The following TRPM2 variants were observed in gnomAD, a reference collection of about 807,000 sequenced individuals.
TRPM2 encodes the protein estrogen-responsive element-associated gene 1 protein.
A neutral mutation model predicts 174.0 loss-of-function variants in TRPM2; 161 were observed. That is an observed-to-expected ratio of 0.93 (90% CI 0.81 to 1.05). TRPM2 has a LOEUF of 1.05. Among genes scored for constraint, TRPM2 ranks in the 50% least tolerant of loss-of-function variants. TRPM2 has a pLI of 0.00. For synonymous variants in TRPM2, 954 were observed against 861.3 expected (o/e 1.11, Z -1.88); for missense variants, 2,057 against 2,038.0 (o/e 1.01, Z -0.18).
rs748751851 is a variant in TRPM2, at chr21:44,391,255, A to G, written c.1441-17A>G. On this transcript the variant is annotated splice_polypyrimidine_tract_variant and intron_variant, in intron 10 of 31. Coordinates refer to ENST00000397928, the MANE Select transcript of TRPM2 (RefSeq NM_003307.4). This position sits in a 1 kb window ranked among gnomAD's most constrained non-coding sequence, Gnocchi z 5.0. ...GATGACCAAATGCAACCGTCACTGCACAATGCTTGCTCTCAGCCTTCAGAT... is the reference window on the plus strand; with the variant it reads ...GATGACCAAATGCAACCGTCACTGCGCAATGCTTGCTCTCAGCCTTCAGAT... The G allele has an allele frequency of 1.9e-6, 3 of 1,605,830 alleles. No homozygotes were observed. Among genetic ancestry groups the G allele is most frequent in the Admixed American group, 1.7e-5 (1 of 59,742 alleles).
At chr21:44,358,708 G>A (rs2048125041) in intron 2 of TRPM2, among the ~76,000 whole-genome samples, 1 of 152,160 alleles carries the variant, frequency 6.6e-6, no homozygotes, top group South Asian at 2.1e-4. Flanking sequence ...GGAGAGCTCA[G>A]GTCCTTGTCT....
intron 13 of TRPM2, 32 bp downstream of exon 13, chr21:44,397,908 T>C (rs1214227768): frequency 1.3e-6 from 2 of 1,561,478 alleles, no homozygotes; most frequent in Admixed American, 1.8e-5. Flanking sequence ...CTGCAGGCCA[T>C]GGCTCAGCCG....
At position 44,441,573 on chromosome 21, in the gene TRPM2, C is replaced by T. The variant is rs930372737; in HGVS notation, c.4387-119C>T. On this transcript the variant is annotated intron_variant, in intron 31 of 31. Transcript: ENST00000397928. The stretch of plus-strand genomic sequence containing the variant: ...GACGCAGGGGTCCTGCCTCCCATTT[C>T]ACAGAGGAGTAAAGGGAGGGTGTGC... 8 of 1,319,760 alleles carry T rather than the reference C, an allele frequency of 6.1e-6. No homozygotes were observed. In the East Asian group the frequency reaches 8.3e-5, roughly 14 times the overall value. 81.8% of individuals were successfully genotyped at this position (1,319,760 alleles called of 1,614,324 possible). A position where few individuals can be genotyped will look rare whatever the true frequency, so the allele number is the denominator to read the frequency against.
chr21:44,421,677 ACAG>A (rs539317091), intron 22 of TRPM2, among the ~76,000 whole-genome samples: 1 of 152,120 alleles, frequency 6.6e-6, no homozygotes, highest in South Asian at 2.1e-4. Context: ...TAAGGAGGCC[ACAG>A]CAGGAGGATT....
intron 5 of TRPM2, among the ~76,000 whole-genome samples, chr21:44,371,079 C>T (rs117171580): frequency 3.2e-4 from 49 of 152,348 alleles, no homozygotes; most frequent in East Asian, 1.4e-3. Context: ...GAATCCGCGT[C>T]GATTGGCCAT....
At position 44,367,232 on chromosome 21, in the gene TRPM2, T is replaced by C. The variant is rs902916632; in HGVS notation, c.604+298T>C. On this transcript the variant is annotated intron_variant, in intron 4 of 31. Coordinates refer to ENST00000397928, the MANE Select transcript of TRPM2 (RefSeq NM_003307.4). The surrounding 1 kb of genome is among the most constrained non-coding windows in gnomAD (Gnocchi z 4.6). ...GGGAACCTTGGTGGCCTGAGAACCT[T>C]GGTGGCCTGGGAACCTCGGTGGCCT... Among the ~76,000 whole-genome samples, 1 of 150,032 alleles carries C rather than the reference T, an allele frequency of 6.7e-6. No individual in the cohort carries two copies. The highest frequency in any genetic ancestry group is 6.6e-5 in the Admixed American group (1 of 15,148).
intron 30 of TRPM2, among the ~76,000 whole-genome samples, chr21:44,440,033 C>G (rs1047107719): frequency 6.0e-5 from 9 of 149,888 alleles, no homozygotes; most frequent in Non-Finnish European, 7.4e-5. Flanking sequence ...TATGGACGCT[C>G]TTTATAAAAG....
chr21:44,381,379 T>TGATGGATG (rs941643059), intron 8 of TRPM2, among the ~76,000 whole-genome samples: 1 of 151,488 alleles, frequency 6.6e-6, no homozygotes, highest in South Asian at 2.1e-4. Flanking sequence ...AGGGATGCCA[T>TGATGGATG]GATGGATGGA....
chr21:44,373,568 C>A (rs1446527216), intron 5 of TRPM2, among the ~76,000 whole-genome samples: 1 of 103,260 alleles, frequency 9.7e-6, no homozygotes, highest in African/African-American at 3.2e-5. Flanking sequence ...GCATTATATG[C>A]GACCTGCATT....
chr21:44,366,860 C>T lies in TRPM2; in HGVS notation c.530C>T (p.Ala177Val). ...PNLLISVTGG[A>V]KNFNMKPRLK... ...CTCTTGATCTCGGTGACCGGGGGGG[C>T]CAAGAACTTCAACATGAAGCCGCGG... The change falls in exon 4 of 32, where the codon GCC becomes GTC. Residue 177 changes from alanine (A) to valine (V), a missense_variant. Transcript: ENST00000397928. The surrounding 1 kb of genome is among the most constrained non-coding windows in gnomAD (Gnocchi z 6.0). The T allele has an allele frequency of 6.2e-7, 1 of 1,613,556 alleles. No individual in the cohort carries two copies. Among genetic ancestry groups the T allele is most frequent in the Middle Eastern group, 1.7e-4 (1 of 6,054 alleles).
chr21:44,397,850 C>T lies in TRPM2; in HGVS notation c.2036C>T (p.Ala679Val), dbSNP rs749957248. 74 of 1,606,594 alleles carry T rather than the reference C, an allele frequency of 4.6e-5. No homozygotes were observed. The highest frequency in any genetic ancestry group is 8.9e-5 in the South Asian group (8 of 89,624). The change falls in exon 13 of 32, where the codon GCG (alanine) becomes GTG (valine). Residue 679 changes from alanine (A) to valine (V), a missense_variant. By Grantham distance (64) the Ala-to-Val change is moderately conservative. Coordinates refer to ENST00000397928, the MANE Select transcript of TRPM2 (RefSeq NM_003307.4). The part of the protein sequence containing the change: ...TDSSEEMLAL[A>V]EEYEHRAIGV... Reference sequence around the variant, plus strand: ...AGCTCGGAGGAGATGCTGGCGCTGGCGGAGGAGTATGAGCACAGAGCCATC... The same window carrying T: ...AGCTCGGAGGAGATGCTGGCGCTGGTGGAGGAGTATGAGCACAGAGCCATC...
In TRPM2 at chr21:44,391,548, A is replaced by G; in HGVS notation, c.1717A>G (p.Thr573Ala). The change falls in exon 11 of 32, where the codon ACG becomes GCG. Residue 573 changes from threonine to alanine, a missense_variant. Transcript: ENST00000397928. The surrounding 1 kb of genome is among the most constrained non-coding windows in gnomAD (Gnocchi z 5.0). ...QVLRELLGDF[T>A]QPLYPRPRHN... is the part of the protein sequence containing the mutation. Reference sequence around the variant, plus strand: ...GCTGCGGGAGCTGCTGGGGGACTTCACGCAGCCGCTTTATCCCCGGCCCCG... The same window carrying G: ...GCTGCGGGAGCTGCTGGGGGACTTCGCGCAGCCGCTTTATCCCCGGCCCCG... 2 of 1,600,640 alleles carry G rather than the reference A, an allele frequency of 1.2e-6. No homozygotes were observed. The highest frequency in any genetic ancestry group is 2.2e-5 in the East Asian group (1 of 44,756).
intron 5 of TRPM2, among the ~76,000 whole-genome samples, chr21:44,373,992 G>C (rs1348246341): frequency 6.6e-6 from 1 of 151,840 alleles, no homozygotes; most frequent in African/African-American, 2.4e-5. Context: ...GTTCATGCCA[G>C]TATATGTATT....
In TRPM2 at chr21:44,400,268, A is replaced by C. The variant is rs1186607907; in HGVS notation, c.2218A>C (p.Thr740Pro). ...CTGCCCCCATCCGCAGGCCTTCCTGACCAAGGTGTGGTGGGGCCAGCTCTC... is the reference window on the plus strand; with the variant it reads ...CTGCCCCCATCCGCAGGCCTTCCTGCCCAAGGTGTGGTGGGGCCAGCTCTC... ...VSHGGIQAFL[T>P]KVWWGQLSVD... The change falls in exon 15 of 32, where the codon ACC becomes CCC. Residue 740 changes from threonine (T) to proline (P), a missense_variant. Physicochemically the swap from Thr to Pro is conservative, Grantham distance 38. Coordinates refer to ENST00000397928, the MANE Select transcript of TRPM2 (RefSeq NM_003307.4). 6.2e-7 allele frequency: 1 copy of C among 1,612,224 alleles called. No individual in the cohort carries two copies. The highest frequency in any genetic ancestry group is 8.5e-7 in the Non-Finnish European group (1 of 1,179,590).
At chr21:44,427,993 G>A (rs1272332751) in intron 27 of TRPM2, among the ~76,000 whole-genome samples, 3 of 152,130 alleles carry the variant, frequency 2.0e-5, no homozygotes, top group Non-Finnish European at 4.4e-5. Context: ...CCTGGCATGG[G>A]CAACAAGGCG....
At chr21:44,417,073 C>G (rs556847840) in intron 20 of TRPM2, among the ~76,000 whole-genome samples, 1 of 113,558 alleles carries the variant, frequency 8.8e-6, no homozygotes, top group African/African-American at 3.6e-5. Context: ...ACAGTGGGCA[C>G]GTGGGCATGG....
intron 5 of TRPM2, among the ~76,000 whole-genome samples, chr21:44,370,617 A>G (rs1307640275): frequency 6.6e-6 from 1 of 151,966 alleles, no homozygotes; most frequent in Non-Finnish European, 1.5e-5. Context: ...TGACACGGAC[A>G]CTGTGCGTCC....
At chr21:44,421,337 C>T (rs2050544032) in intron 22 of TRPM2, among the ~76,000 whole-genome samples, 1 of 151,954 alleles carries the variant, frequency 6.6e-6, no homozygotes. Context: ...AAAATTTAGT[C>T]CCAAATGCCT....
intron 2 of TRPM2, among the ~76,000 whole-genome samples, chr21:44,359,014 T>A (rs2048134571): frequency 6.6e-6 from 1 of 152,166 alleles, no homozygotes; most frequent in Non-Finnish European, 1.5e-5. Context: ...CCCTTATTTG[T>A]CCCCGCCCGT....
Sources: allele counts gnomAD v4.1 joint callset (sites outside exome capture counted in the v4.1 genomes callset), GRCh38; gene constraint gnomAD v4.1.1; non-coding constraint Gnocchi (gnomAD v3.1); transcripts MANE v1.5; gene names NCBI Gene and HGNC (gene_info 2026-07-23, HGNC 2026-07-21).